The following DOK6 variants were observed in gnomAD, a reference collection of about 807,000 sequenced individuals.
DOK6 encodes docking protein 6.
A neutral mutation model predicts 44.0 loss-of-function variants in DOK6; 22 were observed. The observed-to-expected ratio is 0.50, with a 90% CI of 0.36 to 0.71. The LOEUF (loss-of-function observed/expected upper bound fraction) is 0.71, where lower values mean the gene tolerates loss of function less well. Among genes scored for constraint, DOK6 ranks in the 30% least tolerant of loss-of-function variants. The probability of loss-of-function intolerance (pLI) is 0.00; values close to 1 mark genes in which losing one functional copy is unlikely to be tolerated. For missense variants in DOK6, 340 were observed against 416.4 expected (o/e 0.82, Z 1.60); for synonymous variants, 166 against 145.5 (o/e 1.14, Z -1.01).
Position 69,782,457 on chromosome 18 carries a change from C to G in DOK6, c.856+24584C>G, listed in dbSNP as rs550609641. ...CGATCTCCTGACCTCGTGATCCCCC[C>G]GCCTCGGCCTCCCAAAGTGCTGGGA... On this transcript the variant is annotated intron_variant, in intron 7 of 7. Coordinates refer to ENST00000382713, the MANE Select transcript of DOK6 (RefSeq NM_152721.6). Among the ~76,000 whole-genome samples, 9 of 152,128 alleles carry G rather than the reference C, an allele frequency of 5.9e-5. No individual in the cohort carries two copies. The East Asian group carries it at 1.7e-3, about 30-fold the overall frequency.
chr18:69,687,390 G>A (rs1289137439), intron 4 of DOK6, among the ~76,000 whole-genome samples: 1 of 151,940 alleles, frequency 6.6e-6, no homozygotes, highest in East Asian at 1.9e-4. Context: ...AAAAACCTAG[G>A]AATAGAGGCC....
chr18:69,682,388 A>G (rs916733177), intron 4 of DOK6, among the ~76,000 whole-genome samples: 5 of 152,176 alleles, frequency 3.3e-5, no homozygotes, highest in Admixed American at 6.5e-5. Flanking sequence ...TTGTTCAGGC[A>G]CAGGTAAAAA....
At chr18:69,438,447 CT>C (rs1173450877) in intron 1 of DOK6, among the ~76,000 whole-genome samples, 4 of 152,150 alleles carry the variant, frequency 2.6e-5, no homozygotes. Flanking sequence ...TTTTAGTTAT[CT>C]TGCTATTTCT....
At position 69,634,113 on chromosome 18, in the gene DOK6, A is replaced by T. The variant is rs371581907; in HGVS notation, c.289+34615A>T. ...GGTTTCATATCCTCTCCTCTAAAAAATTAGTCCAAACATAAAATCTCTGAA... is the reference window on the plus strand; with the variant it reads ...GGTTTCATATCCTCTCCTCTAAAAATTTAGTCCAAACATAAAATCTCTGAA... On this transcript the variant is annotated intron_variant, in intron 3 of 7. Transcript: ENST00000382713. Among the ~76,000 whole-genome samples the T allele has an allele frequency of 2.6e-5, 4 of 152,296 alleles. No homozygotes were observed. The East Asian group carries it at 5.8e-4, about 22-fold the overall frequency.
At chr18:69,665,567 T>C (rs1346842961) in intron 3 of DOK6, among the ~76,000 whole-genome samples, 6 of 152,190 alleles carry the variant, frequency 3.9e-5, no homozygotes, top group Non-Finnish European at 8.8e-5. Flanking sequence ...TCGTCTGCCT[T>C]AACTCGACCT....
rs551449557 is a variant in DOK6, at chr18:69,482,309, C to T, written c.66+80999C>T. ...ATGAAGTCCTTGCCCATGCCTATGT[C>T]CTGAATGGTATTGCACGTGCACTGA... On this transcript the variant is annotated intron_variant, in intron 1 of 7. Transcript: ENST00000382713. 9.2e-5 allele frequency among the ~76,000 whole-genome samples: 14 copies of T among 152,218 alleles called. No homozygotes were observed. The South Asian group carries it at 2.7e-3, about 29-fold the overall frequency.
chr18:69,831,627 C>T (rs1981904538), intron 7 of DOK6, among the ~76,000 whole-genome samples: 1 of 152,112 alleles, frequency 6.6e-6, no homozygotes, highest in Non-Finnish European at 1.5e-5. Context: ...CTTCATTCCC[C>T]ATTTCTCAAA....
chr18:69,792,664 C>T (rs35080210), intron 7 of DOK6, among the ~76,000 whole-genome samples: 1 of 152,022 alleles, frequency 6.6e-6, no homozygotes, highest in African/African-American at 2.4e-5. Flanking sequence ...TTGAATTTGG[C>T]TGCTCTTTAT....
At chr18:69,693,954 G>T (rs1568335710) in intron 4 of DOK6, among the ~76,000 whole-genome samples, 1 of 150,868 alleles carries the variant, frequency 6.6e-6, no homozygotes, top group Non-Finnish European at 1.5e-5. Context: ...AGCTACTCGG[G>T]AGGCTGAGGC....
intron 5 of DOK6, among the ~76,000 whole-genome samples, chr18:69,721,585 C>A (rs1342381772): frequency 7.2e-5 from 11 of 152,212 alleles, no homozygotes; most frequent in African/African-American, 2.4e-4. Context: ...CAGGTGCATT[C>A]TTTAACTGCA....
chr18:69,547,634 C>T lies in DOK6; in HGVS notation c.67-16853C>T, dbSNP rs112755116. Reference sequence around the variant, plus strand: ...ACAGTCACCCTACTCTGCTATCTAACGTTAGAACTTATTCCTTCTATCTAA... The same window carrying T: ...ACAGTCACCCTACTCTGCTATCTAATGTTAGAACTTATTCCTTCTATCTAA... On this transcript the variant is annotated intron_variant, in intron 1 of 7. Coordinates refer to ENST00000382713, the MANE Select transcript of DOK6 (RefSeq NM_152721.6). 1.6e-3 allele frequency among the ~76,000 whole-genome samples: 249 copies of T among 151,396 alleles called. 1 individual carries two copies. The highest frequency in any genetic ancestry group is 6.8e-3 in the Middle Eastern group (2 of 294).
At chr18:69,689,268 T>A (rs897124356) in intron 4 of DOK6, among the ~76,000 whole-genome samples, 1 of 152,186 alleles carries the variant, frequency 6.6e-6, no homozygotes, top group African/African-American at 2.4e-5. Context: ...TGTGCCTTTG[T>A]CAAAACTAAC....
At chr18:69,727,180 C>A (rs969094191) in intron 5 of DOK6, among the ~76,000 whole-genome samples, 4 of 152,120 alleles carry the variant, frequency 2.6e-5, no homozygotes. Context: ...TATAAGGGCA[C>A]TAATCCCATT....
At chr18:69,823,797 A>G (rs1231716620) in intron 7 of DOK6, among the ~76,000 whole-genome samples, 3 of 152,094 alleles carry the variant, frequency 2.0e-5, no homozygotes, top group Non-Finnish European at 4.4e-5. Flanking sequence ...TCTCATCTCT[A>G]TCAAGGTTCT....
At position 69,691,256 on chromosome 18, in the gene DOK6, G is replaced by A. The variant is rs111344029; in HGVS notation, c.410-7148G>A. ...AAATATAGAATTGGACTTTCTTGTT[G>A]TCTCTGTATTGTGGCCACAGAGCTG... On this transcript the variant is annotated intron_variant, in intron 4 of 7. Transcript: ENST00000382713. Among the ~76,000 whole-genome samples the A allele has an allele frequency of 2.6e-3, 388 of 152,060 alleles. 2 individuals carry two copies. The highest frequency in any genetic ancestry group is 0.01 in the Middle Eastern group (3 of 294).
At chr18:69,601,973 A>G (rs1983883976) in intron 3 of DOK6, among the ~76,000 whole-genome samples, 3 of 152,254 alleles carry the variant, frequency 2.0e-5, no homozygotes, top group Non-Finnish European at 4.4e-5. Context: ...CAAATTATAA[A>G]TGAATATTTA....
chr18:69,604,604 G>A (rs1280605014), intron 3 of DOK6, among the ~76,000 whole-genome samples: 6 of 152,048 alleles, frequency 3.9e-5, no homozygotes, highest in South Asian at 2.1e-4. Flanking sequence ...AGTAGTTAAA[G>A]TGTTTGAGAA....
At chr18:69,648,152 A>C (rs1985132474) in intron 3 of DOK6, among the ~76,000 whole-genome samples, 1 of 152,162 alleles carries the variant, frequency 6.6e-6, no homozygotes, top group Non-Finnish European at 1.5e-5. Context: ...AGAAAATGAA[A>C]CTACGGCCAC....
In DOK6 at chr18:69,401,249, C is replaced by T; in HGVS notation, c.5C>T (p.Ala2Val). 1 of 1,574,566 alleles carries T rather than the reference C, an allele frequency of 6.4e-7. No homozygotes were observed. The highest frequency in any genetic ancestry group is 8.6e-7 in the Non-Finnish European group (1 of 1,161,572). The change falls in exon 1 of 8, where the codon GCC becomes GTC. Residue 2 changes from alanine (A) to valine (V), a missense_variant. Coordinates refer to ENST00000382713, the MANE Select transcript of DOK6 (RefSeq NM_152721.6). ...AGGAGCCCGATCGCGCTGGCCATGGCCTCCAACTTTAACGACATAGTCAAG... is the reference window on the plus strand; with the variant it reads ...AGGAGCCCGATCGCGCTGGCCATGGTCTCCAACTTTAACGACATAGTCAAG... The part of the protein sequence containing the change: M[A>V]SNFNDIVKQG...
Sources: allele counts gnomAD v4.1 joint callset (sites outside exome capture counted in the v4.1 genomes callset), GRCh38; gene constraint gnomAD v4.1.1; transcripts MANE v1.5; gene names NCBI Gene and HGNC (gene_info 2026-07-23, HGNC 2026-07-21).